DNAAF11: variants seen among roughly 807,000 people sequenced by gnomAD.
DNAAF11 encodes the protein dynein axonemal assembly factor 11.
Under a neutral mutation model 60.8 loss-of-function variants are expected in DNAAF11, and 45 were observed. The observed-to-expected ratio is 0.74, with a 90% CI of 0.58 to 0.95. The LOEUF (loss-of-function observed/expected upper bound fraction) is 0.95, where lower values mean the gene tolerates loss of function less well. Among genes scored for constraint, DNAAF11 ranks in the 40% least tolerant of loss-of-function variants. DNAAF11 has a pLI of 0.00. For missense variants in DNAAF11, 546 were observed against 546.2 expected (o/e 1.00, Z 0.00); for synonymous variants, 191 against 183.5 (o/e 1.04, Z -0.33).
intron 10 of DNAAF11, among the ~76,000 whole-genome samples, chr8:132,594,347 A>C (rs1295856549): frequency 6.6e-6 from 1 of 152,216 alleles, no homozygotes; most frequent in Non-Finnish European, 1.5e-5. Flanking sequence ...TACTGTGATC[A>C]AATAAACCAA....
intron 8 of DNAAF11, among the ~76,000 whole-genome samples, chr8:132,613,685 T>C (rs1818878008): frequency 6.6e-6 from 1 of 152,218 alleles, no homozygotes; most frequent in South Asian, 2.1e-4. Flanking sequence ...TTTTAAGTTA[T>C]GTGTATTTTA....
chr8:132,655,677 A>G (rs1823483822), intron 3 of DNAAF11, among the ~76,000 whole-genome samples: 1 of 152,226 alleles, frequency 6.6e-6, no homozygotes, highest in South Asian at 2.1e-4. Flanking sequence ...ACATTTTTCC[A>G]AAGAAGATAT....
intron 1 of DNAAF11, among the ~76,000 whole-genome samples, chr8:132,669,141 G>T (rs1824925259): frequency 6.6e-6 from 1 of 152,106 alleles, no homozygotes; most frequent in African/African-American, 2.4e-5. Flanking sequence ...GCTCAATTTT[G>T]ATTTCTTTCC....
intron 10 of DNAAF11, among the ~76,000 whole-genome samples, chr8:132,609,606 T>C (rs564080661): frequency 5.9e-5 from 9 of 152,262 alleles, no homozygotes; most frequent in Middle Eastern, 3.4e-3. Context: ...TCTGTGTTTC[T>C]TTCTCTGATC....
intron 7 of DNAAF11, among the ~76,000 whole-genome samples, chr8:132,618,780 T>A (rs1819452106): frequency 6.6e-6 from 1 of 152,120 alleles, no homozygotes; most frequent in Non-Finnish European, 1.5e-5. Flanking sequence ...ATGGCTATCA[T>A]TAAAAAGTCA....
At chr8:132,676,989 A>T (rs181961595), upstream of DNAAF11, among the ~76,000 whole-genome samples, 12 of 152,352 alleles carry the variant, frequency 7.9e-5, no homozygotes, top group East Asian at 1.7e-3. Context: ...CATTGGAAAC[A>T]TAGATTAAAT....
intron 1 of DNAAF11, among the ~76,000 whole-genome samples, chr8:132,667,810 G>T (rs1313174316): frequency 6.6e-6 from 1 of 152,142 alleles, no homozygotes; most frequent in Admixed American, 6.5e-5. Context: ...GGCTGTATCA[G>T]CAAAATGACT....
chr8:132,686,732 AGAG>A, the DNAAF11 span, among the ~76,000 whole-genome samples: 1 of 152,164 alleles, frequency 6.6e-6, no homozygotes, highest in East Asian at 1.9e-4. Context: ...CTTTGAGAAA[AGAG>A]GAGGAATCAA....
At chr8:132,696,136 T>C in the DNAAF11 span, among the ~76,000 whole-genome samples, 1 of 152,122 alleles carries the variant, frequency 6.6e-6, no homozygotes, top group African/African-American at 2.4e-5. Flanking sequence ...TACAAAGTTA[T>C]AAGCAGGAAA....
At chr8:132,608,963 T>C (rs113022946) in intron 10 of DNAAF11, among the ~76,000 whole-genome samples, 229 of 152,320 alleles carry the variant, frequency 1.5e-3, no homozygotes, top group African/African-American at 5.3e-3. Flanking sequence ...GAAATCTTTT[T>C]GGTTAATCAA....
intron 3 of DNAAF11, 107 bp from the exon 4 acceptor site, chr8:132,638,214 T>C (rs1022453231): frequency 2.5e-6 from 2 of 803,552 alleles, no homozygotes; most frequent in Non-Finnish European, 4.0e-6. Flanking sequence ...GTATTTTCAG[T>C]CTGCTGATTT....
rs1022562108 is a variant in DNAAF11, at chr8:132,616,610, G to A, written c.915-1513C>T. Reference sequence around the variant, plus strand: ...GGAGAACACAGGGACACAAGCACACGATGCTGGAGAGTGTTAGTGAGGCTG... The same window carrying A: ...GGAGAACACAGGGACACAAGCACACAATGCTGGAGAGTGTTAGTGAGGCTG... On this transcript the variant is annotated intron_variant, in intron 7 of 11. Transcript: ENST00000620350. Among the ~76,000 whole-genome samples, 6 of 152,162 alleles carry A rather than the reference G, an allele frequency of 3.9e-5. 1 individual carries two copies. The highest frequency in any genetic ancestry group is 3.3e-4 in the Admixed American group (5 of 15,282).
At chr8:132,662,303 G>A (rs1049263103) in intron 1 of DNAAF11, among the ~76,000 whole-genome samples, 6 of 152,158 alleles carry the variant, frequency 3.9e-5, no homozygotes, top group Non-Finnish European at 7.4e-5. Context: ...TGCCACAGAA[G>A]GTCAGCAGTA....
intron 3 of DNAAF11, among the ~76,000 whole-genome samples, chr8:132,643,015 C>T (rs151147976): frequency 2.0e-5 from 3 of 152,178 alleles, no homozygotes; most frequent in Admixed American, 6.5e-5. Flanking sequence ...AGTTCTCATA[C>T]GAGCACGCAA....
chr8:132,576,438 T>C (rs1814757458), intron 11 of DNAAF11, among the ~76,000 whole-genome samples: 1 of 152,196 alleles, frequency 6.6e-6, no homozygotes, highest in Admixed American at 6.5e-5. Context: ...AAAGAGATGT[T>C]ATATAATCAT....
chr8:132,636,580 T>C (rs571319127), intron 4 of DNAAF11, among the ~76,000 whole-genome samples: 1 of 152,286 alleles, frequency 6.6e-6, no homozygotes, highest in East Asian at 1.9e-4. Flanking sequence ...CTCACACCTC[T>C]AGCCTGACCA....
rs143335722 is a variant in DNAAF11 at position 132,652,595 on chromosome 8, G to A, written c.256+4235C>T. Among the ~76,000 whole-genome samples, 325 of 152,276 alleles carry A rather than the reference G, an allele frequency of 2.1e-3. 1 individual carries two copies. Among genetic ancestry groups the A allele is most frequent in the African/African-American group, 7.2e-3 (300 of 41,540 alleles). On this transcript the variant is annotated intron_variant, in intron 3 of 11. Coordinates refer to ENST00000620350, the MANE Select transcript of DNAAF11 (RefSeq NM_012472.6). Reference sequence around the variant, plus strand: ...TGGCCAAAATTCACATATACACCATGGAATACTATGCAGCCATAAAAAAGG... The same window carrying A: ...TGGCCAAAATTCACATATACACCATAGAATACTATGCAGCCATAAAAAAGG...
In DNAAF11 at chr8:132,661,573, G is replaced by C; in HGVS notation, c.65C>G (p.Ser22Cys). Residue 22 changes from serine (S) to cysteine (C), a missense_variant, in exon 2 of 12, where the codon TCC becomes TGC. Transcript: ENST00000620350. ...CTGATGCAACGAGAGTTCCTCCAGG[G>C]AAAAAATGACACAGTCGTTGTGTTC... Reference protein sequence around the residue: ...NAEHNDCVIFSLEELSLHQQE... With the variant: ...NAEHNDCVIFCLEELSLHQQE... 6.2e-7 allele frequency: 1 copy of C among 1,613,882 alleles called. No homozygotes were observed. Among genetic ancestry groups the C allele is most frequent in the South Asian group, 1.1e-5 (1 of 91,062 alleles).
At chr8:132,667,219 T>C (rs892010773) in intron 1 of DNAAF11, among the ~76,000 whole-genome samples, 2 of 152,220 alleles carry the variant, frequency 1.3e-5, no homozygotes, top group African/African-American at 4.8e-5. Flanking sequence ...TGCCCCACCA[T>C]TCTCTACCTG....
Sources: gnomAD v4.1 joint callset for allele counts (sites outside exome capture counted in the v4.1 genomes callset) on GRCh38, gnomAD v4.1.1 for gene constraint, MANE v1.5 for transcripts, NCBI Gene and HGNC (gene_info 2026-07-23, HGNC 2026-07-21) for gene names.